Variants in SACS observed in about 807,000 individuals in gnomAD.
SACS encodes the protein sacsin molecular chaperone.
SACS carries 197 observed loss-of-function variants against 348.0 expected under a neutral mutation model. That is an observed-to-expected ratio of 0.57 (90% confidence interval 0.50 to 0.64). The LOEUF (loss-of-function observed/expected upper bound fraction) is 0.64. Ranked by LOEUF, SACS falls within the 30% of genes least tolerant of loss-of-function variation. SACS has a pLI of 0.00. For missense variants in SACS, 4,999 were observed against 5,360.8 expected (o/e 0.93, Z 2.11); for synonymous variants, 1,985 against 1,910.6 (o/e 1.04, Z -1.02).
At chr13:23,384,752 G>T (rs1872203190) in intron 2 of SACS, among the ~76,000 whole-genome samples, 1 of 152,130 alleles carries the variant, frequency 6.6e-6, no homozygotes, top group Non-Finnish European at 1.5e-5. Flanking sequence ...ATTCATGCAG[G>T]ATCTAAAACT....
At chr13:23,359,434 A>G (rs1269197285) in intron 6 of SACS, among the ~76,000 whole-genome samples, 3 of 152,158 alleles carry the variant, frequency 2.0e-5, no homozygotes, top group African/African-American at 4.8e-5. Flanking sequence ...ATCAGCCTCT[A>G]GATTGTTCTA....
intron 2 of SACS, among the ~76,000 whole-genome samples, chr13:23,405,347 T>A (rs1483285832): frequency 1.3e-5 from 2 of 152,212 alleles, no homozygotes; most frequent in African/African-American, 4.8e-5. Context: ...TTGGGAAAAC[T>A]GGCTAGCCAT....
chr13:23,412,198 G>A (rs946509140), intron 1 of SACS, among the ~76,000 whole-genome samples: 29 of 152,096 alleles, frequency 1.9e-4, no homozygotes, highest in Admixed American at 1.8e-3. Flanking sequence ...GGTGGAGCTT[G>A]CAGTGAGCCA....
intron 3 of SACS, 24 bp downstream of exon 3, chr13:23,375,095 C>A: frequency 6.7e-7 from 1 of 1,484,496 alleles, no homozygotes. Flanking sequence ...GGAGCCCAGC[C>A]CAGCGCCCCC....
intron 1 of SACS, among the ~76,000 whole-genome samples, chr13:23,425,955 G>A (rs113815895): frequency 0.012 from 1,892 of 152,212 alleles, 30 homozygotes; most frequent in African/African-American, 0.029. Context: ...CAGGGGCATG[G>A]TATTTTAGAT....
intron 2 of SACS, among the ~76,000 whole-genome samples, chr13:23,403,663 G>A (rs111444679): frequency 0.031 from 4,782 of 151,856 alleles, 225 homozygotes; most frequent in African/African-American, 0.11. Context: ...TCTGGCTAGC[G>A]ATCTATTTTG....
chr13:23,349,632 G>A (rs921305251), intron 9 of SACS, among the ~76,000 whole-genome samples: 1 of 152,150 alleles, frequency 6.6e-6, no homozygotes, highest in African/African-American at 2.4e-5. Flanking sequence ...AACTGGCAAG[G>A]TGTGGTTGCT....
At chr13:23,353,168 T>C (rs1056112099) in intron 9 of SACS, among the ~76,000 whole-genome samples, 1 of 152,214 alleles carries the variant, frequency 6.6e-6, no homozygotes, top group Non-Finnish European at 1.5e-5. Context: ...TACTGTCTTT[T>C]CCTAAAAGGA....
At chr13:23,374,746 T>C (rs1386377721) in intron 3 of SACS, among the ~76,000 whole-genome samples, 2 of 152,162 alleles carry the variant, frequency 1.3e-5, no homozygotes, top group Admixed American at 6.5e-5. Flanking sequence ...AAACTTCCAA[T>C]ATATCAAAGG....
chr13:23,370,954 T>C lies in SACS; in HGVS notation c.259+124A>G, dbSNP rs754312972. 1.0e-4 allele frequency: 52 copies of C among 510,266 alleles called. No individual in the cohort carries two copies. In the Admixed American group the frequency reaches 1.4e-3, roughly 14 times the overall value. The allele number at this position is 510,266 out of a possible 1,614,324, so 31.6% of individuals were successfully genotyped here. A position where few individuals can be genotyped will look rare whatever the true frequency, so the allele number is the denominator to read the frequency against. ...TTGTGGTGAGCTGAGATTGTGCCAC[T>C]GCACTCCAGCCTGGGCGATAGGGCG... is the stretch of plus-strand genomic sequence containing the variant. On this transcript the variant is annotated intron_variant, in intron 4 of 9. Coordinates refer to ENST00000382292, the MANE Select transcript of SACS (RefSeq NM_014363.6).
At chr13:23,415,767 T>TACCA (rs745573929) in intron 1 of SACS, among the ~76,000 whole-genome samples, 96 of 152,254 alleles carry the variant, frequency 6.3e-4, no homozygotes, top group Admixed American at 1.8e-3. Context: ...GGAAACCCAG[T>TACCA]ACCACAAATA....
intron 1 of SACS, among the ~76,000 whole-genome samples, chr13:23,417,645 T>C (rs1201409082): frequency 6.6e-6 from 1 of 152,118 alleles, no homozygotes; most frequent in East Asian, 1.9e-4. Context: ...ATTAAGCACA[T>C]AAGTGAGAAA....
rs147517201 is a variant in SACS at position 23,338,508 on chromosome 13, C to T, written c.5368G>A (p.Ala1790Thr). 6.0e-5 allele frequency: 97 copies of T among 1,614,070 alleles called. No homozygotes were observed. Among genetic ancestry groups the T allele is most frequent in the Non-Finnish European group, 6.9e-5 (82 of 1,180,024 alleles). The change falls in exon 10 of 10, where the codon GCT (alanine) becomes ACT (threonine). Residue 1790 changes from alanine to threonine, a missense_variant. Physicochemically the swap from Ala to Thr is moderately conservative, Grantham distance 58 (BLOSUM62 0). Transcript: ENST00000382292. The part of the protein sequence containing the change: ...PLFRGPDDDP[A>T]ALFEMAKSGQ... ...GACTTAGCCATTTCAAAGAGAGCAGCTGGGTCATCATCTGGACCTCTAAAA... is the reference window on the plus strand; with the variant it reads ...GACTTAGCCATTTCAAAGAGAGCAGTTGGGTCATCATCTGGACCTCTAAAA...
chr13:23,330,644 T>C lies in SACS; in HGVS notation c.13232A>G (p.Glu4411Gly). ...WNQEATSHKS[E>G]RQQQNKEKCP... is the part of the protein sequence containing the mutation. Reference sequence around the variant, plus strand: ...TTTTTCTTTGTTCTGTTGCTGTCTTTCAGATTTATGGCTCGTTGCTTCTTG... The same window carrying C: ...TTTTTCTTTGTTCTGTTGCTGTCTTCCAGATTTATGGCTCGTTGCTTCTTG... The change falls in exon 10 of 10, where the codon GAA becomes GGA. Residue 4411 changes from glutamate (E) to glycine (G), a missense_variant. By Grantham distance (98) the Glu-to-Gly change is moderately conservative. Transcript: ENST00000382292. The C allele has an allele frequency of 6.2e-7, 1 of 1,614,072 alleles. No individual in the cohort carries two copies. The highest frequency in any genetic ancestry group is 2.2e-5 in the East Asian group (1 of 44,888).
chr13:23,365,595 G>C (rs969380152), intron 5 of SACS, among the ~76,000 whole-genome samples: 1 of 152,114 alleles, frequency 6.6e-6, no homozygotes. Context: ...TTTGTTCAAA[G>C]GAAATTATTC....
rs1156833522 is a variant in SACS at position 23,337,153 on chromosome 13, T to C, written c.6723A>G (p.Ala2241=). Residue 2241 remains alanine (A), a synonymous_variant, in exon 10 of 10, where the codon GCA becomes GCG. Coordinates refer to ENST00000382292, the MANE Select transcript of SACS (RefSeq NM_014363.6). ...GNSFKPETMF[A]ATDLYTAEHQ... is the part of the protein sequence containing the mutation. The stretch of plus-strand genomic sequence containing the variant: ...GTTCAGCTGTATAAAGGTCAGTTGC[T>C]GCAAACATGGTTTCAGGCTTAAAAC... 8 of 1,613,920 alleles carry C rather than the reference T, an allele frequency of 5.0e-6. No individual in the cohort carries two copies. The highest frequency in any genetic ancestry group is 4.0e-5 in the African/African-American group (3 of 74,940).
intron 1 of SACS, among the ~76,000 whole-genome samples, chr13:23,414,705 A>C (rs9580616): frequency 0.01 from 1,596 of 152,368 alleles, 34 homozygotes; most frequent in African/African-American, 0.036. Context: ...TACAAAAATC[A>C]ATCTTTGGAT....
In SACS at chr13:23,331,294, A is replaced by G. The variant is rs1002489210; in HGVS notation, c.12582T>C (p.Tyr4194=). 18 of 1,613,916 alleles carry G rather than the reference A, an allele frequency of 1.1e-5. No individual in the cohort carries two copies. In the African/African-American group the frequency reaches 2.4e-4, roughly 22 times the overall value. Residue 4194 remains tyrosine, a synonymous_variant, in exon 10 of 10, where the codon TAT becomes TAC. Coordinates refer to ENST00000382292, the MANE Select transcript of SACS (RefSeq NM_014363.6). ...YLVDAEGGDI[Y]GSYQPTYTYA... is the part of the protein sequence containing the mutation. ...ATGTGTATGTTGGCTGGTATGATCC[A>G]TAGATATCACCACCTTCAGCATCAA...
intron 1 of SACS, among the ~76,000 whole-genome samples, chr13:23,429,430 T>C (rs1874340803): frequency 7.2e-6 from 1 of 138,490 alleles, no homozygotes; most frequent in Admixed American, 8.1e-5. Context: ...TGGTGCGATA[T>C]CGGCTCACTG....
Sources: allele counts gnomAD v4.1 joint callset (sites outside exome capture counted in the v4.1 genomes callset), GRCh38; gene constraint gnomAD v4.1.1; transcripts MANE v1.5; gene names NCBI Gene and HGNC (gene_info 2026-07-23, HGNC 2026-07-21).